TMPRSS2: variants seen among roughly 807,000 people sequenced by gnomAD.
TMPRSS2 encodes the protein transmembrane protease serine 2.
TMPRSS2 carries 59 observed loss-of-function variants against 67.4 expected under a neutral mutation model. The observed-to-expected ratio is 0.88, with a 90% CI of 0.71 to 1.09. The LOEUF (loss-of-function observed/expected upper bound fraction) is 1.09. Among genes scored for constraint, TMPRSS2 ranks in the 50% least tolerant of loss-of-function variants. The pLI, the probability that TMPRSS2 is intolerant of heterozygous loss-of-function variation, is 0.00. For missense variants in TMPRSS2, 668 were observed against 642.7 expected, an observed-to-expected ratio of 1.04 and a Z score of -0.43; for synonymous variants, 257 against 257.0, an observed-to-expected ratio of 1.00 and a Z score of 0.00.
intron 3 of TMPRSS2, among the ~76,000 whole-genome samples, chr21:41,491,385 G>A (rs1458076809): frequency 6.6e-6 from 1 of 152,054 alleles, no homozygotes; most frequent in East Asian, 1.9e-4. Context: ...GGGCCCAAGT[G>A]ATCCACTCGC....
Position 41,473,233 on chromosome 21 carries a change from CGG to C in TMPRSS2, c.899+90_899+91del. On this transcript the variant is annotated intron_variant, in intron 9 of 13. Coordinates refer to ENST00000332149, the MANE Select transcript of TMPRSS2 (RefSeq NM_005656.4). Reference sequence around the variant, plus strand: ...TCTCCCCATTTAAACACAAGGATGCCGGGGCTGCAAGGGTTGAGACCTGCTCA... The same window carrying C: ...TCTCCCCATTTAAACACAAGGATGCCGGCTGCAAGGGTTGAGACCTGCTCA... 3 of 1,380,850 alleles carry C rather than the reference CGG, an allele frequency of 2.2e-6. No homozygotes were observed. The South Asian group carries it at 4.2e-5, about 19-fold the overall frequency. 85.5% of individuals were successfully genotyped at this position (1,380,850 alleles called of 1,614,324 possible).
In TMPRSS2 at chr21:41,498,117, AC is replaced by A; in HGVS notation, c.15+1del. 1 of 1,604,350 alleles carries A rather than the reference AC, an allele frequency of 6.2e-7. No individual in the cohort carries two copies. Among genetic ancestry groups the A allele is most frequent in the South Asian group, 1.1e-5 (1 of 90,498 alleles). On this transcript the variant is annotated splice_donor_variant, in intron 2 of 13. Transcript: ENST00000332149. LOFTEE classifies it high-confidence loss of function. ...CCAGGAAGGTAATAATTAACCACTTACTGAGTTCAAAGCCATCTTGCTGTTA... is the reference window on the plus strand; with the variant it reads ...CCAGGAAGGTAATAATTAACCACTTATGAGTTCAAAGCCATCTTGCTGTTA...
Position 41,467,815 on chromosome 21 carries a change from A to T in TMPRSS2, c.1386T>A (p.Gly462=), listed in dbSNP as rs141396628. 1.9e-6 allele frequency: 3 copies of T among 1,614,082 alleles called. No homozygotes were observed. In the African/African-American group the frequency reaches 4.0e-5, roughly 22 times the overall value. The change falls in exon 13 of 14, where the codon GGT becomes GGA. Residue 462 remains glycine (G), a synonymous_variant. Transcript: ENST00000332149. ...GTCTGTAAGCTTTGGCACAGCCAGA[A>T]CCCCAGCTTGTATCCCCTATCAGCC... ...IWWLIGDTSW[G]SGCAKAYRPG...
At chr21:41,486,777 T>A (rs1322836957) in intron 5 of TMPRSS2, 4 of 152,042 alleles carry the variant, frequency 2.6e-5, no homozygotes, top group Non-Finnish European at 4.4e-5. Flanking sequence ...ACCCTTGAAA[T>A]CACCCTCAAA....
In TMPRSS2 at chr21:41,483,929, G is replaced by A. The variant is rs75430506; in HGVS notation, c.446-3327C>T. Among the ~76,000 whole-genome samples, 104 of 152,130 alleles carry A rather than the reference G, an allele frequency of 6.8e-4. 2 individuals are homozygous for A. The East Asian group carries it at 0.019, about 27-fold the overall frequency. On this transcript the variant is annotated intron_variant, in intron 5 of 13. Transcript: ENST00000332149. ...AGGATCACTTGAGCCCAGAGTTCGAGACCAACCCCATCTCCACCAAAAAAT... is the reference window on the plus strand; with the variant it reads ...AGGATCACTTGAGCCCAGAGTTCGAAACCAACCCCATCTCCACCAAAAAAT...
intron 5 of TMPRSS2, among the ~76,000 whole-genome samples, chr21:41,481,953 T>G (rs2091260337): frequency 6.6e-6 from 1 of 151,922 alleles, no homozygotes. Flanking sequence ...CCCACCTACT[T>G]GGGAGGCTGA....
chr21:41,505,681 C>G (rs1224273677), intron 1 of TMPRSS2, among the ~76,000 whole-genome samples: 1 of 152,174 alleles, frequency 6.6e-6, no homozygotes, highest in Non-Finnish European at 1.5e-5. Flanking sequence ...AGAGCCTGGC[C>G]CAGGAACAAG....
chr21:41,470,858 C>T, intron 10 of TMPRSS2, 115 bp from the exon 11 acceptor site: 2 of 702,608 alleles, frequency 2.8e-6, no homozygotes, highest in Non-Finnish European at 4.6e-6. Flanking sequence ...CCCAGAGGAC[C>T]CTGCATCCCA....
rs893440780 is a variant in TMPRSS2, at chr21:41,470,705, T to A, written c.1114A>T (p.Met372Leu). The A allele has an allele frequency of 2.5e-6, 4 of 1,613,520 alleles. No homozygotes were observed. In the African/African-American group the frequency reaches 4.0e-5, roughly 16 times the overall value. ...CAGCAGAGCTGTTCTGGCTGCAGCA[T>A]CATGCCTGGGTTGGGCAGACACACT... ...KPVCLPNPGMMLQPEQLCWIS... is the reference protein window; with the variant it reads ...KPVCLPNPGMLLQPEQLCWIS... Residue 372 changes from methionine (M) to leucine (L), a missense_variant, in exon 11 of 14, where the codon ATG becomes TTG. By Grantham distance (15) the Met-to-Leu change is conservative (BLOSUM62 2). Coordinates refer to ENST00000332149, the MANE Select transcript of TMPRSS2 (RefSeq NM_005656.4).
intron 2 of TMPRSS2, among the ~76,000 whole-genome samples, chr21:41,497,093 G>A (rs1165983560): frequency 6.6e-6 from 1 of 151,898 alleles, no homozygotes; most frequent in East Asian, 1.9e-4. Flanking sequence ...TGCCTGCCTC[G>A]GCCTCCCAAA....
At chr21:41,483,444 G>A (rs1015338341) in intron 5 of TMPRSS2, among the ~76,000 whole-genome samples, 5 of 151,990 alleles carry the variant, frequency 3.3e-5, no homozygotes, top group Admixed American at 6.5e-5. Context: ...CCACCACGCC[G>A]GCTAATTTTG....
intron 11 of TMPRSS2, among the ~76,000 whole-genome samples, 196 bp downstream of exon 11, chr21:41,470,452 C>CA (rs1341270851): frequency 2.6e-5 from 4 of 152,300 alleles, no homozygotes; most frequent in Middle Eastern, 3.4e-3. Flanking sequence ...GATAAGAACA[C>CA]AGTGTATTAG....
Position 41,471,867 on chromosome 21 carries a change from G to C in TMPRSS2, c.1014C>G (p.Asp338Glu), listed in dbSNP as rs2091136250. The change falls in exon 10 of 14, where the codon GAC (aspartate) becomes GAG (glutamate). Residue 338 changes from aspartate to glutamate, a missense_variant. Physicochemically the swap from Asp to Glu is conservative, Grantham distance 45. Coordinates refer to ENST00000332149, the MANE Select transcript of TMPRSS2 (RefSeq NM_005656.4). ...CAATGTCATTGTTCTTGGTCTTGGAGTCATAATTTGGATGAGAAATCACTT... is the reference window on the plus strand; with the variant it reads ...CAATGTCATTGTTCTTGGTCTTGGACTCATAATTTGGATGAGAAATCACTT... ...VEKVISHPNY[D>E]SKTKNNDIAL... 6.2e-7 allele frequency: 1 copy of C among 1,613,616 alleles called. No homozygotes were observed. The highest frequency in any genetic ancestry group is 8.5e-7 in the Non-Finnish European group (1 of 1,179,840).
At chr21:41,501,772 A>G (rs374761841) in intron 1 of TMPRSS2, among the ~76,000 whole-genome samples, 28 of 152,230 alleles carry the variant, frequency 1.8e-4, no homozygotes, top group African/African-American at 5.8e-4. Flanking sequence ...CATCTTCAAA[A>G]CAGGCATTTC....
chr21:41,490,354 C>T (rs1209332685), intron 3 of TMPRSS2, among the ~76,000 whole-genome samples: 1 of 152,170 alleles, frequency 6.6e-6, no homozygotes, highest in Non-Finnish European at 1.5e-5. Flanking sequence ...CGAATGGATG[C>T]TACTGTCCCA....
intron 3 of TMPRSS2, among the ~76,000 whole-genome samples, chr21:41,490,361 C>T (rs1290597606): frequency 6.6e-6 from 1 of 152,148 alleles, no homozygotes; most frequent in Non-Finnish European, 1.5e-5. Flanking sequence ...ATGCTACTGT[C>T]CCATTCGGAC....
In TMPRSS2 at chr21:41,478,013, C is replaced by T. The variant is rs1029365076; in HGVS notation, c.683+1159G>A. Reference sequence around the variant, plus strand: ...GACGGCAGCACCTCCTCCCCTCCCCCCGTCCCTGCCCGGCTGGACTTGGCT... The same window carrying T: ...GACGGCAGCACCTCCTCCCCTCCCCTCGTCCCTGCCCGGCTGGACTTGGCT... On this transcript the variant is annotated intron_variant, in intron 7 of 13. Transcript: ENST00000332149. The surrounding 1 kb of genome is among the most constrained non-coding windows in gnomAD (Gnocchi z 4.0). Among the ~76,000 whole-genome samples, 1 of 152,248 alleles carries T rather than the reference C, an allele frequency of 6.6e-6. No individual in the cohort carries two copies. Among genetic ancestry groups the T allele is most frequent in the African/African-American group, 2.4e-5 (1 of 41,472 alleles).
chr21:41,465,728 G>A lies in TMPRSS2; in HGVS notation c.*414C>T, dbSNP rs761118604. 6.4e-5 allele frequency: 17 copies of A among 265,638 alleles called. No homozygotes were observed. The highest frequency in any genetic ancestry group is 5.7e-4 in the East Asian group (10 of 17,586). 16.5% of individuals were successfully genotyped at this position (265,638 alleles called of 1,614,324 possible). ...TACCAAGTGGCCCCAGAGGGCAGCC[G>A]CTGCAGGTGCCACCTGGCTGTCTCC... On this transcript the variant is annotated 3_prime_UTR_variant, in exon 14 of 14. Transcript: ENST00000332149.
intron 5 of TMPRSS2, among the ~76,000 whole-genome samples, chr21:41,485,058 G>A (rs1008519532): frequency 1.3e-5 from 2 of 150,478 alleles, no homozygotes; most frequent in Non-Finnish European, 3.0e-5. Context: ...CTGGTAAACA[G>A]GTGGGCATGT....
Sources: gnomAD v4.1 joint callset for allele counts (sites outside exome capture counted in the v4.1 genomes callset) on GRCh38, gnomAD v4.1.1 for gene constraint, Gnocchi (gnomAD v3.1) non-coding constraint, MANE v1.5 for transcripts, NCBI Gene and HGNC (gene_info 2026-07-23, HGNC 2026-07-21) for gene names.